The following CEP250 variants were observed in gnomAD, a reference collection of about 807,000 sequenced individuals.
CEP250 encodes the protein centrosomal protein 250.
In CEP250, 242 loss-of-function variants were observed where a neutral mutation model predicts 315.7. That is an observed-to-expected ratio of 0.77 (90% CI 0.69 to 0.85). CEP250 has a LOEUF of 0.85. Among genes scored for constraint, CEP250 ranks in the 40% least tolerant of loss-of-function variants. The probability of loss-of-function intolerance (pLI) is 0.00; values close to 1 mark genes in which losing one functional copy is unlikely to be tolerated. For missense variants in CEP250, 2,515 were observed against 2,886.4 expected (o/e 0.87, Z 2.95); for synonymous variants, 1,088 against 1,175.0 (o/e 0.93, Z 1.51).
chr20:35,472,577 G>A, intron 11 of CEP250, 96 bp from the exon 12 acceptor site: 2 of 1,279,178 alleles, frequency 1.6e-6, no homozygotes. Context: ...ACCTGAGAAG[G>A]AAAACATCAG....
At position 35,504,771 on chromosome 20, in the gene CEP250, G is replaced by A. The variant is rs1279164322; in HGVS notation, c.6402G>A (p.Met2134Ile). 2 of 1,614,084 alleles carry A rather than the reference G, an allele frequency of 1.2e-6. No homozygotes were observed. Among genetic ancestry groups the A allele is most frequent in the Non-Finnish European group, 1.7e-6 (2 of 1,180,038 alleles). The change falls in exon 30 of 35, where the codon ATG (methionine) becomes ATA (isoleucine). Residue 2134 changes from methionine (M) to isoleucine (I), a missense_variant. By Grantham distance (10) the Met-to-Ile change is conservative. Coordinates refer to ENST00000397527, the MANE Select transcript of CEP250 (RefSeq NM_007186.6). ...ALPHSHKTSPMEEQSLKLDSL... is the reference protein window; with the variant it reads ...ALPHSHKTSPIEEQSLKLDSL... ...CCCACAGCCACAAAACCTCCCCAAT[G>A]GAGGAACAATCTCTAAAACTTGATT...
chr20:35,518,579 T>G lies in CEP250; in HGVS notation c.*6953T>G, dbSNP rs2147273768. 1 of 152,352 alleles carries G rather than the reference T, an allele frequency of 6.6e-6. No homozygotes were observed. The highest frequency in any genetic ancestry group is 3.4e-3 in the Middle Eastern group (1 of 294). The allele number at this position is 152,352 out of a possible 1,614,324, so 9.4% of individuals were successfully genotyped here. A position where few individuals can be genotyped will look rare whatever the true frequency, so the allele number is the denominator to read the frequency against. On this transcript the variant is annotated 3_prime_UTR_variant, in exon 35 of 35. Coordinates refer to ENST00000397527, the MANE Select transcript of CEP250 (RefSeq NM_007186.6). ...AGCCACCGCCAGTTTTCCCTTTCTCTTTGAGTATCATTATGAGCTCAAAGT... is the reference window on the plus strand; with the variant it reads ...AGCCACCGCCAGTTTTCCCTTTCTCGTTGAGTATCATTATGAGCTCAAAGT...
rs779632867 is a variant in CEP250 at position 35,494,622 on chromosome 20, C to T, written c.3132C>T (p.Asn1044=). 1.3e-4 allele frequency: 216 copies of T among 1,613,910 alleles called. No homozygotes were observed. The highest frequency in any genetic ancestry group is 5.1e-6 in the Non-Finnish European group (6 of 1,180,008). Residue 1044 remains asparagine, a synonymous_variant, in exon 24 of 35, where the codon AAC becomes AAT. Coordinates refer to ENST00000397527, the MANE Select transcript of CEP250 (RefSeq NM_007186.6). ...QEKLRETQEY[N]RIQKELEREK... is the part of the protein sequence containing the mutation. ...AGCTGAGAGAGACCCAGGAGTATAACCGAATTCAGAAGGAGCTGGAGAGAG... is the reference window on the plus strand; with the variant it reads ...AGCTGAGAGAGACCCAGGAGTATAATCGAATTCAGAAGGAGCTGGAGAGAG...
intron 29 of CEP250, 58 bp from the exon 30 acceptor site, chr20:35,502,332 T>C (rs1476320893): frequency 1.4e-6 from 2 of 1,408,584 alleles, no homozygotes; most frequent in African/African-American, 2.9e-5. Context: ...AGGGTCGGTG[T>C]TGGGGTGACA....
At chr20:35,457,500 A>T (rs1055911163) in intron 1 of CEP250, among the ~76,000 whole-genome samples, 1 of 151,722 alleles carries the variant, frequency 6.6e-6, no homozygotes, top group Non-Finnish European at 1.5e-5. Flanking sequence ...AGTAGCTGGG[A>T]CTACAGGTGA....
chr20:35,458,540 C>A (rs1414180741), intron 2 of CEP250, among the ~76,000 whole-genome samples, 166 bp downstream of exon 2: 2 of 148,552 alleles, frequency 1.3e-5, no homozygotes, highest in Admixed American at 1.4e-4. Context: ...AGTACACTGA[C>A]ACTCATTATC....
In CEP250 at chr20:35,508,197, C is replaced by G. The variant is rs2064248236; in HGVS notation, c.6906+7C>G. 3 of 1,613,476 alleles carry G rather than the reference C, an allele frequency of 1.9e-6. No individual in the cohort carries two copies. The highest frequency in any genetic ancestry group is 2.5e-6 in the Non-Finnish European group (3 of 1,179,804). ...GCGGAGTACCTTGGAGCAGGTGACC[C>G]CTCTTCTTGTCCAGTGGGCATGCAT... On this transcript the variant is annotated splice_region_variant and intron_variant, in intron 32 of 34. Transcript: ENST00000397527.
At chr20:35,480,663 G>C (rs551235430) in intron 20 of CEP250, among the ~76,000 whole-genome samples, 62 of 148,766 alleles carry the variant, frequency 4.2e-4, no homozygotes, top group African/African-American at 1.4e-3. Flanking sequence ...TGCATTCTTG[G>C]CTCACTGCAA....
chr20:35,502,076 C>T, intron 29 of CEP250, 110 bp downstream of exon 29: 1 of 1,287,426 alleles, frequency 7.8e-7, no homozygotes, highest in Non-Finnish European at 1.1e-6. Flanking sequence ...GTCAGTTCCT[C>T]TGGCTGTCTC....
intron 19 of CEP250, 37 bp downstream of exon 19, chr20:35,479,810 A>G (rs2063291886): frequency 6.2e-7 from 1 of 1,613,438 alleles, no homozygotes; most frequent in African/African-American, 1.3e-5. Context: ...ACTCCATTCC[A>G]TGGAGATGTT....
rs369351014 is a variant in CEP250 at position 35,504,778 on chromosome 20, C to G, written c.6409C>G (p.Gln2137Glu). The G allele has an allele frequency of 1.2e-6, 2 of 1,614,070 alleles. No individual in the cohort carries two copies. Among genetic ancestry groups the G allele is most frequent in the African/African-American group, 2.7e-5 (2 of 74,914 alleles). ...CCACAAAACCTCCCCAATGGAGGAACAATCTCTAAAACTTGATTCTTTAGA... is the reference window on the plus strand; with the variant it reads ...CCACAAAACCTCCCCAATGGAGGAAGAATCTCTAAAACTTGATTCTTTAGA... ...HSHKTSPMEEQSLKLDSLEPR... is the reference protein window; with the variant it reads ...HSHKTSPMEEESLKLDSLEPR... Residue 2137 changes from glutamine (Q) to glutamate (E), a missense_variant, in exon 30 of 35, where the codon CAA (glutamine) becomes GAA (glutamate). Coordinates refer to ENST00000397527, the MANE Select transcript of CEP250 (RefSeq NM_007186.6).
intron 2 of CEP250, among the ~76,000 whole-genome samples, chr20:35,458,964 A>ATTTTT (rs1332089448): frequency 1.1e-5 from 1 of 91,362 alleles, no homozygotes; most frequent in African/African-American, 4.7e-5. Context: ...TATAATGCAA[A>ATTTTT]TCTTTTTTTT....
intron 12 of CEP250, 130 bp downstream of exon 12, chr20:35,472,961 C>T: frequency 1.2e-6 from 1 of 868,324 alleles, no homozygotes; most frequent in Non-Finnish European, 1.8e-6. Context: ...CTGTCAATAT[C>T]CCAGAGTAAA....
At position 35,515,828 on chromosome 20, in the gene CEP250, C is replaced by G. The variant is rs966658767; in HGVS notation, c.*4202C>G. On this transcript the variant is annotated 3_prime_UTR_variant, in exon 35 of 35. Coordinates refer to ENST00000397527, the MANE Select transcript of CEP250 (RefSeq NM_007186.6). ...GAGGAGGAGTGCAAGCTCAACTCTG[C>G]TCACCACACTTAAGAAGCAGGCAAG... 1 of 152,290 alleles carries G rather than the reference C, an allele frequency of 6.6e-6. No individual in the cohort carries two copies. Among genetic ancestry groups the G allele is most frequent in the Non-Finnish European group, 1.5e-5 (1 of 68,084 alleles). The allele number at this position is 152,290 out of a possible 1,614,324, so 9.4% of individuals were successfully genotyped here.
At chr20:35,456,155 A>C (rs1482156654) in intron 1 of CEP250, among the ~76,000 whole-genome samples, 1 of 152,172 alleles carries the variant, frequency 6.6e-6, no homozygotes, top group African/African-American at 2.4e-5. Context: ...TCGGCCTCCC[A>C]AAGTGCTGGG....
intron 33 of CEP250, 118 bp downstream of exon 33, chr20:35,509,162 C>A: frequency 1.3e-6 from 1 of 778,130 alleles, no homozygotes; most frequent in Non-Finnish European, 2.1e-6. Flanking sequence ...GAGAGCCCCT[C>A]CTGACTGCAT....
chr20:35,461,163 C>T lies in CEP250; in HGVS notation c.-104+1058C>T, dbSNP rs368202724. On this transcript the variant is annotated intron_variant, in intron 3 of 34. Transcript: ENST00000397527. ...GTTAGGTTTGCATTCGCTGTATATA[C>T]CATTTTGTTGATAGGTAGTTGAAAA... 3.9e-4 allele frequency among the ~76,000 whole-genome samples: 60 copies of T among 152,294 alleles called. No homozygotes were observed. The East Asian group carries it at 4.6e-3, about 12-fold the overall frequency.
rs763855849 is a variant in CEP250 at position 35,492,179 on chromosome 20, C to T, written c.2889+833C>T. Among the ~76,000 whole-genome samples the T allele has an allele frequency of 3.9e-5, 6 of 151,998 alleles. No homozygotes were observed. The South Asian group carries it at 6.2e-4, about 16-fold the overall frequency. On this transcript the variant is annotated intron_variant, in intron 22 of 34. Transcript: ENST00000397527. ...TTGAAGGTTAGAAAGAAACCAGCTCCGTGATACAACATAGGTGAACCTTGA... is the reference window on the plus strand; with the variant it reads ...TTGAAGGTTAGAAAGAAACCAGCTCTGTGATACAACATAGGTGAACCTTGA...
intron 11 of CEP250, among the ~76,000 whole-genome samples, chr20:35,472,460 G>A (rs1449877668): frequency 6.6e-6 from 1 of 152,178 alleles, no homozygotes; most frequent in Non-Finnish European, 1.5e-5. Flanking sequence ...ACCTCAGACA[G>A]TGTTCTAGCC....
Sources: allele counts gnomAD v4.1 joint callset (sites outside exome capture counted in the v4.1 genomes callset), GRCh38; gene constraint gnomAD v4.1.1; transcripts MANE v1.5; gene names NCBI Gene and HGNC (gene_info 2026-07-23, HGNC 2026-07-21).